TMEM132B: variants seen among roughly 807,000 people sequenced by gnomAD.
The protein encoded by TMEM132B is transmembrane protein 132B.
Under a neutral mutation model 90.8 loss-of-function variants are expected in TMEM132B, and 18 were observed. That is an observed-to-expected ratio of 0.20 (90% confidence interval 0.14 to 0.29). The LOEUF is 0.29. TMEM132B is among the 10% of genes least tolerant of loss of function. TMEM132B has a pLI of 1.00. For missense variants in TMEM132B, 1,096 were observed against 1,326.8 expected, an observed-to-expected ratio of 0.83 and a Z score of 2.70; for synonymous variants, 504 against 523.3, an observed-to-expected ratio of 0.96 and a Z score of 0.50.
chr12:125,265,793 C>T (rs1035387057), intron 1 of TMEM132B, among the ~76,000 whole-genome samples: 3 of 152,128 alleles, frequency 2.0e-5, no homozygotes, highest in African/African-American at 7.2e-5. Flanking sequence ...CATGTCTGTG[C>T]GGTTTATCCA....
chr12:125,223,618 A>T (rs1465680965), intron 1 of TMEM132B, among the ~76,000 whole-genome samples: 1 of 152,196 alleles, frequency 6.6e-6, no homozygotes, highest in Non-Finnish European at 1.5e-5. Context: ...GAACATTTTC[A>T]TCAGCCCAAA....
intron 1 of TMEM132B, among the ~76,000 whole-genome samples, chr12:125,238,720 A>G (rs115152756): frequency 1.1e-3 from 172 of 151,762 alleles, no homozygotes; most frequent in African/African-American, 3.9e-3. Flanking sequence ...TTTCACCCAC[A>G]TGGGACGTTT....
intron 6 of TMEM132B, among the ~76,000 whole-genome samples, chr12:125,649,899 T>TAAGG (rs1415906809): frequency 6.6e-6 from 1 of 151,878 alleles, no homozygotes; most frequent in East Asian, 1.9e-4. Flanking sequence ...GTCAGAGCCA[T>TAAGG]AAGGAAGGAA....
intron 1 of TMEM132B, among the ~76,000 whole-genome samples, chr12:125,267,985 C>T (rs900629395): frequency 1.3e-5 from 2 of 152,106 alleles, no homozygotes; most frequent in Non-Finnish European, 2.9e-5. Context: ...GCCTGCACTA[C>T]CTGTAATCCC....
chr12:125,341,882 T>C (rs1877190516), intron 1 of TMEM132B, among the ~76,000 whole-genome samples: 1 of 152,206 alleles, frequency 6.6e-6, no homozygotes. Flanking sequence ...TGTGGGGAGA[T>C]AAATTAGGGG....
Position 125,349,784 on chromosome 12 carries a change from A to G in TMEM132B, c.400A>G (p.Ile134Val). ...KLKSHILDSSIYSNRPKVQTL... is the reference protein window; with the variant it reads ...KLKSHILDSSVYSNRPKVQTL... The stretch of plus-strand genomic sequence containing the variant: ...GAAATCCCACATCCTTGACAGCTCC[A>G]TCTACTCCAACAGACCCAAAGTGCA... The change falls in exon 2 of 9, where the codon ATC becomes GTC. Residue 134 changes from isoleucine to valine, a missense_variant. Coordinates refer to ENST00000682704, the MANE Select transcript of TMEM132B (RefSeq NM_001366854.1). This position sits in a 1 kb window ranked among gnomAD's most constrained non-coding sequence, Gnocchi z 4.1. 6.2e-7 allele frequency: 1 copy of G among 1,614,228 alleles called. No homozygotes were observed. Among genetic ancestry groups the G allele is most frequent in the Non-Finnish European group, 8.5e-7 (1 of 1,180,040 alleles).
intron 1 of TMEM132B, among the ~76,000 whole-genome samples, chr12:125,231,688 G>T (rs1471395685): frequency 6.6e-6 from 1 of 151,788 alleles, no homozygotes; most frequent in Non-Finnish European, 1.5e-5. Context: ...AGCTTGCTAA[G>T]GCATATTTTT....
intron 3 of TMEM132B, among the ~76,000 whole-genome samples, chr12:125,461,661 A>G (rs1182834809): frequency 6.6e-6 from 1 of 152,144 alleles, no homozygotes; most frequent in African/African-American, 2.4e-5. Context: ...CAGTTTGCAA[A>G]CTTCATCCTC....
chr12:125,197,989 T>A (rs1872963192), intron 1 of TMEM132B, among the ~76,000 whole-genome samples: 1 of 152,224 alleles, frequency 6.6e-6, no homozygotes, highest in African/African-American at 2.4e-5. Context: ...GCTCAGTGGC[T>A]CACAGCACAG....
intron 3 of TMEM132B, among the ~76,000 whole-genome samples, chr12:125,496,943 T>TG (rs750311856): frequency 5.3e-5 from 8 of 152,244 alleles, no homozygotes; most frequent in Non-Finnish European, 1.2e-4. Context: ...TGATGGGACT[T>TG]GCTGTTGCCC....
At chr12:125,301,059 A>T (rs369823774) in intron 1 of TMEM132B, 2 of 152,104 alleles carry the variant, frequency 1.3e-5, no homozygotes, top group African/African-American at 2.4e-5. Context: ...GTTGGTATAC[A>T]TGTTGGTATT....
chr12:125,651,670 G>A (rs759679707), intron 7 of TMEM132B, among the ~76,000 whole-genome samples: 5 of 152,130 alleles, frequency 3.3e-5, no homozygotes, highest in Admixed American at 6.5e-5. Context: ...TATTTCTGCA[G>A]GTCAGGCATC....
At chr12:125,314,354 C>T (rs1177098207) in intron 1 of TMEM132B, among the ~76,000 whole-genome samples, 1 of 152,176 alleles carries the variant, frequency 6.6e-6, no homozygotes, top group African/African-American at 2.4e-5. Flanking sequence ...AGATTCGGTA[C>T]CAACTCTAGG....
At chr12:125,299,156 A>G (rs550243799) in intron 1 of TMEM132B, among the ~76,000 whole-genome samples, 184 of 152,264 alleles carry the variant, frequency 1.2e-3, no homozygotes, top group Non-Finnish European at 2.1e-3. Context: ...CTCTGCTGCC[A>G]TCCATTCTTT....
intron 3 of TMEM132B, among the ~76,000 whole-genome samples, chr12:125,485,990 A>G (rs1882190915): frequency 6.6e-6 from 1 of 152,216 alleles, no homozygotes; most frequent in African/African-American, 2.4e-5. Context: ...CCTGAGACCA[A>G]GAAAATAATG....
At chr12:125,476,357 G>T (rs1013882704) in intron 3 of TMEM132B, among the ~76,000 whole-genome samples, 1 of 152,128 alleles carries the variant, frequency 6.6e-6, no homozygotes, top group African/African-American at 2.4e-5. Flanking sequence ...CTATGGATTT[G>T]CTGATTTTAG....
At chr12:125,264,539 G>T (rs1309167592) in intron 1 of TMEM132B, among the ~76,000 whole-genome samples, 3 of 152,206 alleles carry the variant, frequency 2.0e-5, no homozygotes, top group African/African-American at 7.2e-5. Flanking sequence ...TTGCTGGAGT[G>T]TTGATGGGGG....
At chr12:125,223,017 C>T (rs1437077514) in intron 1 of TMEM132B, among the ~76,000 whole-genome samples, 1 of 152,200 alleles carries the variant, frequency 6.6e-6, no homozygotes, top group South Asian at 2.1e-4. Context: ...AGTGAAATTG[C>T]AAATCTTGCA....
chr12:125,313,301 CAGAT>C (rs966891612), intron 1 of TMEM132B, among the ~76,000 whole-genome samples: 5 of 152,276 alleles, frequency 3.3e-5, no homozygotes, highest in African/African-American at 1.2e-4. Flanking sequence ...TGTGTCCAGT[CAGAT>C]AGACGCAATT....
Sources: allele counts gnomAD v4.1 joint callset (sites outside exome capture counted in the v4.1 genomes callset), GRCh38; gene constraint gnomAD v4.1.1; non-coding constraint Gnocchi (gnomAD v3.1); transcripts MANE v1.5; gene names NCBI Gene and HGNC (gene_info 2026-07-23, HGNC 2026-07-21).